Variants in CLDN11 observed in about 807,000 individuals in gnomAD.
CLDN11 encodes claudin 11, also known as claudin-11.
In CLDN11, 1 loss-of-function variant was observed where a neutral mutation model predicts 18.0. The observed-to-expected ratio is 0.06, with a 90% CI of 0.02 to 0.26. The LOEUF is 0.26. CLDN11 is among the 10% of genes least tolerant of loss of function. The pLI is 1.00. For missense variants in CLDN11, 172 were observed against 276.6 expected (o/e 0.62, Z 2.68); for synonymous variants, 116 against 121.5 (o/e 0.96, Z 0.30).
At chr3:170,423,993 C>T (rs903968849) in intron 2 of CLDN11, among the ~76,000 whole-genome samples, 3 of 134,730 alleles carry the variant, frequency 2.2e-5, no homozygotes, top group Non-Finnish European at 3.1e-5. Context: ...CACGCTACTG[C>T]GTTCCATCCT....
intron 1 of CLDN11, among the ~76,000 whole-genome samples, chr3:170,421,940 C>T (rs1738734800): frequency 6.6e-6 from 1 of 152,202 alleles, no homozygotes; most frequent in Non-Finnish European, 1.5e-5. Flanking sequence ...GCAATTGTTT[C>T]CATGATCTGT....
Position 170,419,246 on chromosome 3 carries a change from G to C in CLDN11, c.180G>C (p.Thr60=). The C allele has an allele frequency of 1.9e-6, 3 of 1,575,730 alleles. No individual in the cohort carries two copies. Among genetic ancestry groups the C allele is most frequent in the South Asian group, 1.2e-5 (1 of 85,574 alleles). ...TGTGGGCCGACTGCGTCATGGCCAC[G>C]GGGCTGTACCACTGCAAGCCCCTGG... ...KGLWADCVMA[T]GLYHCKPLVD... Residue 60 remains threonine, a synonymous_variant, in exon 1 of 3, where the codon ACG becomes ACC. Coordinates refer to ENST00000064724, the MANE Select transcript of CLDN11 (RefSeq NM_005602.6). This position sits in a 1 kb window ranked among gnomAD's most constrained non-coding sequence, Gnocchi z 8.6.
intron 1 of CLDN11, among the ~76,000 whole-genome samples, chr3:170,420,418 G>T (rs1185192293): frequency 1.3e-5 from 2 of 152,138 alleles, no homozygotes; most frequent in Non-Finnish European, 2.9e-5. Flanking sequence ...GACTGTGCTC[G>T]CCCCTTAAGC....
At chr3:170,426,267 T>C (rs1053593097) in intron 2 of CLDN11, among the ~76,000 whole-genome samples, 5 of 152,240 alleles carry the variant, frequency 3.3e-5, no homozygotes, top group Admixed American at 3.3e-4. Context: ...AAATTATGTC[T>C]GTTGTACAAC....
intron 2 of CLDN11, among the ~76,000 whole-genome samples, chr3:170,426,822 C>T (rs1407459883): frequency 2.6e-5 from 4 of 152,142 alleles, no homozygotes; most frequent in African/African-American, 9.7e-5. Context: ...TGCTCTGTCG[C>T]CCAGGCTAGA....
In CLDN11 at chr3:170,432,728, C is replaced by A. The variant is rs761488040; in HGVS notation, c.596C>A (p.Pro199Gln). The A allele has an allele frequency of 6.2e-7, 1 of 1,614,192 alleles. No homozygotes were observed. Among genetic ancestry groups the A allele is most frequent in the Non-Finnish European group, 8.5e-7 (1 of 1,180,036 alleles). The change falls in exon 3 of 3, where the codon CCG becomes CAG. Residue 199 changes from proline to glutamine, a missense_variant. Around this residue, in one of 3 missense-constraint regions of CLDN11, gnomAD observed 161 missense variants for 240.3 expected, o/e 0.67. Transcript: ENST00000064724. ...RFYYTAGSSSPTHAKSAHV is the reference protein window; with the variant it reads ...RFYYTAGSSSQTHAKSAHV Reference sequence around the variant, plus strand: ...TACTACACTGCGGGCTCTAGCTCCCCGACTCATGCGAAGAGTGCCCACGTA... The same window carrying A: ...TACTACACTGCGGGCTCTAGCTCCCAGACTCATGCGAAGAGTGCCCACGTA...
intron 1 of CLDN11, among the ~76,000 whole-genome samples, chr3:170,420,347 G>C (rs1358271545): frequency 6.6e-6 from 1 of 152,160 alleles, no homozygotes; most frequent in Non-Finnish European, 1.5e-5. Flanking sequence ...CTCACTTAAA[G>C]GATTTTCCCG....
chr3:170,432,861 G>A lies in CLDN11; in HGVS notation c.*105G>A, dbSNP rs555682438. ...GCCCATTCCTCTGCCAGGCTCTAAA[G>A]CCAAAGGTCTAGAAAAGCATCCTGT... On this transcript the variant is annotated 3_prime_UTR_variant, in exon 3 of 3. Coordinates refer to ENST00000064724, the MANE Select transcript of CLDN11 (RefSeq NM_005602.6). The A allele has an allele frequency of 4.6e-6, 5 of 1,085,274 alleles. No individual in the cohort carries two copies. Among genetic ancestry groups the A allele is most frequent in the African/African-American group, 3.1e-5 (2 of 63,992 alleles). 67.2% of individuals were successfully genotyped at this position (1,085,274 alleles called of 1,614,324 possible). A position where few individuals can be genotyped will look rare whatever the true frequency, so the allele number is the denominator to read the frequency against.
chr3:170,430,770 T>G (rs910579659), intron 2 of CLDN11, among the ~76,000 whole-genome samples: 5 of 151,952 alleles, frequency 3.3e-5, no homozygotes, highest in African/African-American at 1.2e-4. Flanking sequence ...GATCTTGAAC[T>G]CCTGACCTCA....
intron 1 of CLDN11, chr3:170,421,372 AC>A (rs746846625): frequency 1.1e-6 from 1 of 888,820 alleles, no homozygotes; most frequent in Non-Finnish European, 1.3e-6. Flanking sequence ...GCAGAGGCGG[AC>A]GGCTGGGTCA....
rs900950815 is a variant in CLDN11 at position 170,419,061 on chromosome 3, GCCA to G, written c.-2_1del. On this transcript the variant is annotated 5_prime_UTR_variant, in exon 1 of 3. Transcript: ENST00000064724. The surrounding 1 kb of genome is among the most constrained non-coding windows in gnomAD (Gnocchi z 8.6). ...GGCGAGGCACGGGGACATCCTGGCG[GCCA>G]CCATGGTGGCCACGTGCCTGCAGGT... is the stretch of plus-strand genomic sequence containing the variant. 2.6e-6 allele frequency: 4 copies of G among 1,547,562 alleles called. No homozygotes were observed. In the African/African-American group the frequency reaches 5.5e-5, roughly 21 times the overall value.
At chr3:170,420,003 T>C (rs1738685107) in intron 1 of CLDN11, among the ~76,000 whole-genome samples, 1 of 152,152 alleles carries the variant, frequency 6.6e-6, no homozygotes, top group Non-Finnish European at 1.5e-5. Flanking sequence ...CGCCGCTGGG[T>C]TGGATAGGGA....
intron 2 of CLDN11, among the ~76,000 whole-genome samples, chr3:170,428,334 A>G: frequency 6.6e-6 from 1 of 152,086 alleles, no homozygotes; most frequent in South Asian, 2.1e-4. Context: ...GTGTCATCTC[A>G]TCTTTAAAGA....
In CLDN11 at chr3:170,432,905, A is replaced by C. The variant is rs1739038184; in HGVS notation, c.*149A>C. On this transcript the variant is annotated 3_prime_UTR_variant, in exon 3 of 3. Coordinates refer to ENST00000064724, the MANE Select transcript of CLDN11 (RefSeq NM_005602.6). ...ATCCTGTCTGGCATTTTGTAGTCTT[A>C]ACTTCTCCCCATTTCCCCCATCTTT... 1 of 682,356 alleles carries C rather than the reference A, an allele frequency of 1.5e-6. No individual in the cohort carries two copies. The highest frequency in any genetic ancestry group is 1.8e-5 in the African/African-American group (1 of 55,310). The allele number at this position is 682,356 out of a possible 1,614,324, so 42.3% of individuals were successfully genotyped here. A position where few individuals can be genotyped will look rare whatever the true frequency, so the allele number is the denominator to read the frequency against.
chr3:170,430,180 A>T (rs1738962579), intron 2 of CLDN11, among the ~76,000 whole-genome samples: 2 of 152,182 alleles, frequency 1.3e-5, no homozygotes, highest in South Asian at 4.1e-4. Flanking sequence ...TCTGGCTGAA[A>T]CACTCCAGAA....
chr3:170,430,354 A>G (rs1164381127), intron 2 of CLDN11, among the ~76,000 whole-genome samples: 1 of 152,330 alleles, frequency 6.6e-6, no homozygotes, highest in Non-Finnish European at 1.5e-5. Flanking sequence ...TGAGGTTTCC[A>G]AAGTCCTGAG....
intron 2 of CLDN11, among the ~76,000 whole-genome samples, chr3:170,429,989 C>CT (rs1738957197): frequency 6.6e-6 from 1 of 152,182 alleles, no homozygotes; most frequent in Admixed American, 6.5e-5. Flanking sequence ...GGAATTAGAA[C>CT]TTTTTTCTCT....
Position 170,419,235 on chromosome 3 carries a change from G to C in CLDN11, c.169G>C (p.Val57Leu). The C allele has an allele frequency of 6.3e-7, 1 of 1,576,522 alleles. No individual in the cohort carries two copies. Among genetic ancestry groups the C allele is most frequent in the Non-Finnish European group, 8.6e-7 (1 of 1,161,462 alleles). ...LGSKGLWADC[V>L]MATGLYHCKP... ...CTCCAAGGGGCTGTGGGCCGACTGC[G>C]TCATGGCCACGGGGCTGTACCACTG... Residue 57 changes from valine (V) to leucine (L), a missense_variant, in exon 1 of 3, where the codon GTC (valine) becomes CTC (leucine). Transcript: ENST00000064724. This position sits in a 1 kb window ranked among gnomAD's most constrained non-coding sequence, Gnocchi z 8.6.
chr3:170,423,707 C>T, intron 2 of CLDN11: 1 of 189,478 alleles, frequency 5.3e-6, no homozygotes, highest in Non-Finnish European at 1.1e-5. Context: ...TCAGGCCAGG[C>T]AAAGATATTT....
Sources: allele counts gnomAD v4.1 joint callset (sites outside exome capture counted in the v4.1 genomes callset), GRCh38; gene constraint gnomAD v4.1.1; regional missense constraint gnomAD v4.1.1; non-coding constraint Gnocchi (gnomAD v3.1); transcripts MANE v1.5; gene names NCBI Gene and HGNC (gene_info 2026-07-23, HGNC 2026-07-21).